The following SMIM31 variants were observed in gnomAD, a reference collection of about 807,000 sequenced individuals.
SMIM31 encodes small integral membrane protein 31, also known as human epithelial cell program regulator.
intron 2 of SMIM31, among the ~76,000 whole-genome samples, chr4:164,784,323 C>T (rs1362367506): frequency 2.6e-5 from 4 of 152,132 alleles, no homozygotes; most frequent in African/African-American, 9.7e-5. Context: ...CTAACTGAAC[C>T]CTGAAACAAA....
At chr4:164,772,484 T>C (rs1228282559) in intron 2 of SMIM31, among the ~76,000 whole-genome samples, 2 of 152,230 alleles carry the variant, frequency 1.3e-5, no homozygotes, top group African/African-American at 4.8e-5. Context: ...TTAGAGGCAT[T>C]ATTGTGTTTA....
At chr4:164,782,551 T>C (rs948483667) in intron 2 of SMIM31, among the ~76,000 whole-genome samples, 3 of 128,454 alleles carry the variant, frequency 2.3e-5, no homozygotes, top group Non-Finnish European at 4.5e-5. Flanking sequence ...GCTAATTTTC[T>C]TGTATTTTTA....
chr4:164,756,251 A>G (rs927273002), intron 1 of SMIM31, among the ~76,000 whole-genome samples: 7 of 152,174 alleles, frequency 4.6e-5, no homozygotes, highest in Admixed American at 3.3e-4. Flanking sequence ...ACTTAAAGTA[A>G]AATTTCTTTA....
rs116279608 is a variant in SMIM31 at position 164,789,159 on chromosome 4, T to C, written c.113-11932T>C. Among the ~76,000 whole-genome samples the C allele has an allele frequency of 4.6e-3, 704 of 152,070 alleles. 4 individuals are homozygous for C. The highest frequency in any genetic ancestry group is 0.016 in the African/African-American group (666 of 41,484). On this transcript the variant is annotated intron_variant, in intron 2 of 2. Transcript: ENST00000507311. ...TTTAAAGAATAATTATTATATGGAG[T>C]TTTTCAGCTTCAAGGCTAGCCTCTG...
intron 1 of SMIM31, among the ~76,000 whole-genome samples, chr4:164,758,715 G>A (rs1032359600): frequency 1.2e-4 from 16 of 128,632 alleles, no homozygotes; most frequent in African/African-American, 4.6e-4. Context: ...CTGACTGCAA[G>A]CTCCGCCTCC....
intron 1 of SMIM31, among the ~76,000 whole-genome samples, chr4:164,768,500 A>T (rs1046880390): frequency 2.2e-4 from 34 of 151,556 alleles, no homozygotes; most frequent in Non-Finnish European, 1.3e-4. Flanking sequence ...GGAACTCACC[A>T]CACATGAGCT....
rs577392845 is a variant in SMIM31 at position 164,756,248 on chromosome 4, G to T, written c.-26+1837G>T. Among the ~76,000 whole-genome samples, 10 of 152,232 alleles carry T rather than the reference G, an allele frequency of 6.6e-5. 1 individual carries two copies. In the South Asian group the frequency reaches 2.1e-3, roughly 32 times the overall value. ...CTGCACATGTATCCCAGAACTTAAA[G>T]TAAAATTTCTTTAAAAAGGAAACTT... On this transcript the variant is annotated intron_variant, in intron 1 of 2. Coordinates refer to ENST00000507311, the MANE Select transcript of SMIM31 (RefSeq NM_001352885.1).
At chr4:164,778,662 A>T (rs1732908705) in intron 2 of SMIM31, among the ~76,000 whole-genome samples, 1 of 152,198 alleles carries the variant, frequency 6.6e-6, no homozygotes, top group South Asian at 2.1e-4. Flanking sequence ...TACTTTGGAG[A>T]TAAGGAAAAT....
chr4:164,780,370 T>G (rs1021199700), intron 2 of SMIM31, among the ~76,000 whole-genome samples: 2 of 152,222 alleles, frequency 1.3e-5, no homozygotes, highest in African/African-American at 2.4e-5. Context: ...GAGGTTGCAG[T>G]GAGCCGAGAT....
At chr4:164,800,443 A>T (rs182458488) in intron 2 of SMIM31, among the ~76,000 whole-genome samples, 31 of 152,264 alleles carry the variant, frequency 2.0e-4, no homozygotes, top group Non-Finnish European at 4.4e-4. Flanking sequence ...CCTGGGTTCA[A>T]GTAATCTGCC....
At chr4:164,774,103 A>T (rs534053833) in intron 2 of SMIM31, among the ~76,000 whole-genome samples, 23 of 150,204 alleles carry the variant, frequency 1.5e-4, no homozygotes, top group South Asian at 4.2e-4. Context: ...GAGGTGGAGC[A>T]TGCCGTGAGC....
At chr4:164,773,967 C>A (rs1241587110) in intron 2 of SMIM31, among the ~76,000 whole-genome samples, 1 of 152,056 alleles carries the variant, frequency 6.6e-6, no homozygotes, top group Non-Finnish European at 1.5e-5. Flanking sequence ...GAGATCGAGA[C>A]CATCCTGGAT....
At chr4:164,772,036 C>A (rs1305461456) in intron 2 of SMIM31, among the ~76,000 whole-genome samples, 1 of 152,112 alleles carries the variant, frequency 6.6e-6, no homozygotes, top group Non-Finnish European at 1.5e-5. Flanking sequence ...TTAATTCATT[C>A]TTGCACTGCT....
chr4:164,795,582 A>G (rs1007222398), intron 2 of SMIM31, among the ~76,000 whole-genome samples: 8 of 138,924 alleles, frequency 5.8e-5, no homozygotes, highest in African/African-American at 1.3e-4. Flanking sequence ...AAAAAAAAAA[A>G]AAGAAGAATC....
At chr4:164,797,775 T>G (rs1447572272) in intron 2 of SMIM31, among the ~76,000 whole-genome samples, 3 of 152,084 alleles carry the variant, frequency 2.0e-5, no homozygotes, top group Non-Finnish European at 4.4e-5. Flanking sequence ...AAGTGCAAAT[T>G]TCTTACATGC....
chr4:164,797,753 G>A (rs535230452), intron 2 of SMIM31, among the ~76,000 whole-genome samples: 71 of 152,108 alleles, frequency 4.7e-4, no homozygotes, highest in South Asian at 1.5e-3. Flanking sequence ...GTGAGCCACC[G>A]CGCCTGGCCT....
At chr4:164,772,587 T>TTTATTTTA (rs577721221) in intron 2 of SMIM31, among the ~76,000 whole-genome samples, 8,040 of 147,088 alleles carry the variant, frequency 0.055, 342 homozygotes, top group South Asian at 0.11. Flanking sequence ...TTTATTTTAT[T>TTTATTTTA]TTTTTTTTTG....
chr4:164,765,377 C>T (rs889874021), intron 1 of SMIM31, among the ~76,000 whole-genome samples: 2 of 152,104 alleles, frequency 1.3e-5, no homozygotes, highest in African/African-American at 2.4e-5. Flanking sequence ...TATGAGCCTT[C>T]AAGGTGAATA....
At chr4:164,785,893 C>G (rs1414713340) in intron 2 of SMIM31, among the ~76,000 whole-genome samples, 1 of 151,996 alleles carries the variant, frequency 6.6e-6, no homozygotes, top group Admixed American at 6.6e-5. Context: ...CTACAAATAG[C>G]CCAGATCCTC....
Sources: gnomAD v4.1 joint callset for allele counts (sites outside exome capture counted in the v4.1 genomes callset) on GRCh38, gnomAD v4.1.1 for gene constraint, MANE v1.5 for transcripts, NCBI Gene and HGNC (gene_info 2026-07-23, HGNC 2026-07-21) for gene names.